The following OR8H2 variants were observed in gnomAD, a reference collection of about 807,000 sequenced individuals.
The protein encoded by OR8H2 is olfactory receptor 8H2.
For synonymous variants in OR8H2, 157 were observed against 139.2 expected (o/e 1.13, Z -0.90); for missense variants, 374 against 371.1 (o/e 1.01, Z -0.06).
rs1458082317 is a variant in OR8H2 at position 56,105,605 on chromosome 11, C to A, written c.563C>A (p.Ser188Tyr). 6.2e-6 allele frequency: 10 copies of A among 1,614,044 alleles called. No homozygotes were observed. The highest frequency in any genetic ancestry group is 2.7e-5 in the African/African-American group (2 of 74,928). The change falls in exon 2 of 2, where the codon TCC (serine) becomes TAC (tyrosine). Residue 188 changes from serine to tyrosine, a missense_variant. Transcript: ENST00000313503. ...FCDTSPILALSCTDTYNTEIL... is the reference protein window; with the variant it reads ...FCDTSPILALYCTDTYNTEIL... ...GACACTTCCCCAATTTTAGCTCTGT[C>A]CTGCACTGATACATACAACACCGAA...
chr11:56,106,188 T>G lies in OR8H2; in HGVS notation c.*207T>G. The G allele has an allele frequency of 2.4e-6, 1 of 421,500 alleles. No homozygotes were observed. Among genetic ancestry groups the G allele is most frequent in the Non-Finnish European group, 4.2e-6 (1 of 238,892 alleles). The allele number at this position is 421,500 out of a possible 1,614,324, so 26.1% of individuals were successfully genotyped here. A position where few individuals can be genotyped will look rare whatever the true frequency, so the allele number is the denominator to read the frequency against. ...AATGGTAATTAGAAATCATAATATG[T>G]GTGTCATGTTTTCAGTCTACATATA... On this transcript the variant is annotated 3_prime_UTR_variant, in exon 2 of 2. Coordinates refer to ENST00000313503, the MANE Select transcript of OR8H2 (RefSeq NM_001386064.1).
rs772134874 is a variant in OR8H2, at chr11:56,105,349, T to G, written c.307T>G (p.Phe103Val). 1 of 1,614,222 alleles carries G rather than the reference T, an allele frequency of 6.2e-7. No homozygotes were observed. Among genetic ancestry groups the G allele is most frequent in the South Asian group, 1.1e-5 (1 of 91,088 alleles). Residue 103 changes from phenylalanine (F) to valine (V), a missense_variant, in exon 2 of 2, where the codon TTT becomes GTT. Phe to Val is a conservative substitution (Grantham distance 50). Transcript: ENST00000313503. The part of the protein sequence containing the change: ...SFTGCFAQMF[F>V]FAFLGTAECY... ...TACGGGCTGCTTTGCCCAGATGTTC[T>G]TTTTTGCCTTCTTGGGTACTGCTGA...
Position 56,106,917 on chromosome 11 carries a change from C to A in OR8H2, c.*936C>A, listed in dbSNP as rs1280268911. On this transcript the variant is annotated 3_prime_UTR_variant, in exon 2 of 2. Coordinates refer to ENST00000313503, the MANE Select transcript of OR8H2 (RefSeq NM_001386064.1). ...CTTTTCTTTACTTCTCTAATAAACC[C>A]ATTTTCAGTTTTAGAAAAACAAATA... 6.6e-6 allele frequency: 1 copy of A among 151,832 alleles called. No individual in the cohort carries two copies. The highest frequency in any genetic ancestry group is 6.6e-5 in the Admixed American group (1 of 15,252). 9.4% of individuals were successfully genotyped at this position (151,832 alleles called of 1,614,324 possible).
rs1854066714 is a variant in OR8H2, at chr11:56,107,212, A to G, written c.*1231A>G. The G allele has an allele frequency of 6.6e-6, 1 of 151,904 alleles. No individual in the cohort carries two copies. The highest frequency in any genetic ancestry group is 2.1e-4 in the South Asian group (1 of 4,834). 9.4% of individuals were successfully genotyped at this position (151,904 alleles called of 1,614,324 possible). A position where few individuals can be genotyped will look rare whatever the true frequency, so the allele number is the denominator to read the frequency against. On this transcript the variant is annotated 3_prime_UTR_variant, in exon 2 of 2. Coordinates refer to ENST00000313503, the MANE Select transcript of OR8H2 (RefSeq NM_001386064.1). ...CAGTGATATCTCTTTTGCGTGCAAA[A>G]CTTCAAAAACTGGATTTCTGTAATG...
chr11:56,104,796 A>C (rs1854025578), intron 1 of OR8H2, 76 bp from the exon 2 acceptor site: 3 of 393,804 alleles, frequency 7.6e-6, no homozygotes, highest in East Asian at 8.2e-5. Flanking sequence ...ATAGAAGGCT[A>C]AGCTAATTTT....
chr11:56,103,709 C>T lies in OR8H2; in HGVS notation c.-450C>T, dbSNP rs1854010000. On this transcript the variant is annotated 5_prime_UTR_variant, in exon 1 of 2. Coordinates refer to ENST00000313503, the MANE Select transcript of OR8H2 (RefSeq NM_001386064.1). Reference sequence around the variant, plus strand: ...AGGGAAAGAATAATCTCCTTGTGGTCACAGTAGCTGCTGGTCTTCTTTGAC... The same window carrying T: ...AGGGAAAGAATAATCTCCTTGTGGTTACAGTAGCTGCTGGTCTTCTTTGAC... The T allele has an allele frequency of 6.6e-6, 1 of 152,172 alleles. No individual in the cohort carries two copies. The highest frequency in any genetic ancestry group is 6.5e-5 in the Admixed American group (1 of 15,274). 9.4% of individuals were successfully genotyped at this position (152,172 alleles called of 1,614,324 possible). A position where few individuals can be genotyped will look rare whatever the true frequency, so the allele number is the denominator to read the frequency against.
chr11:56,107,613 T>A lies in OR8H2; in HGVS notation c.*1632T>A, dbSNP rs1854071687. ...ACACTTTTGTAACAGTTATTAGTTT[T>A]CATTCAAGCAATACTTTTTTAATCT... On this transcript the variant is annotated 3_prime_UTR_variant, in exon 2 of 2. Transcript: ENST00000313503. 1 of 151,886 alleles carries A rather than the reference T, an allele frequency of 6.6e-6. No homozygotes were observed. Among genetic ancestry groups the A allele is most frequent in the South Asian group, 2.1e-4 (1 of 4,838 alleles). 9.4% of individuals were successfully genotyped at this position (151,886 alleles called of 1,614,324 possible). A position where few individuals can be genotyped will look rare whatever the true frequency, so the allele number is the denominator to read the frequency against.
chr11:56,104,834 A>T (rs1256105877), intron 1 of OR8H2, 38 bp from the exon 2 acceptor site: 20 of 458,734 alleles, frequency 4.4e-5, no homozygotes, highest in Non-Finnish European at 7.2e-5. Context: ...ATATAAACAG[A>T]AAGTTTTTTT....
Position 56,105,546 on chromosome 11 carries a change from C to G in OR8H2, c.504C>G (p.Phe168Leu), listed in dbSNP as rs890708716. 2 of 1,614,060 alleles carry G rather than the reference C, an allele frequency of 1.2e-6. No individual in the cohort carries two copies. The highest frequency in any genetic ancestry group is 1.7e-6 in the Non-Finnish European group (2 of 1,180,038). Residue 168 changes from phenylalanine to leucine, a missense_variant, in exon 2 of 2, where the codon TTC becomes TTG. By Grantham distance (22) the Phe-to-Leu change is conservative. Coordinates refer to ENST00000313503, the MANE Select transcript of OR8H2 (RefSeq NM_001386064.1). ...VNVVSMSRLH[F>L]YDSNVIHHFF... ...TGGTTTCCATGAGCAGATTGCATTTCTACGACTCAAACGTAATTCATCACT... is the reference window on the plus strand; with the variant it reads ...TGGTTTCCATGAGCAGATTGCATTTGTACGACTCAAACGTAATTCATCACT...
rs189819124 is a variant in OR8H2 at position 56,107,348 on chromosome 11, C to T, written c.*1367C>T. 415 of 152,040 alleles carry T rather than the reference C, an allele frequency of 2.7e-3. 2 individuals carry two copies. The highest frequency in any genetic ancestry group is 9.6e-3 in the African/African-American group (400 of 41,536). 9.4% of individuals were successfully genotyped at this position (152,040 alleles called of 1,614,324 possible). A position where few individuals can be genotyped will look rare whatever the true frequency, so the allele number is the denominator to read the frequency against. The stretch of plus-strand genomic sequence containing the variant: ...TTCAGTTGTAAAAATAACTCCTTGA[C>T]TTAAATGCTTTATTCATTGATTTTA... On this transcript the variant is annotated 3_prime_UTR_variant, in exon 2 of 2. Transcript: ENST00000313503.
In OR8H2 at chr11:56,104,882, A is replaced by T. The variant is rs766244766; in HGVS notation, c.-161A>T. 5.1e-6 allele frequency: 3 copies of T among 586,910 alleles called. No individual in the cohort carries two copies. Among genetic ancestry groups the T allele is most frequent in the Non-Finnish European group, 8.8e-6 (3 of 341,544 alleles). The allele number at this position is 586,910 out of a possible 1,614,324, so 36.4% of individuals were successfully genotyped here. A position where few individuals can be genotyped will look rare whatever the true frequency, so the allele number is the denominator to read the frequency against. ...TGTTTTTTGAGTCAGAGTCTGGCAC[A>T]GTCGCCAGGGCTGGAATGCAATGGT... On this transcript the variant is annotated 5_prime_UTR_variant, in exon 2 of 2. Transcript: ENST00000313503.
rs1279506280 is a variant in OR8H2 at position 56,105,685 on chromosome 11, T to G, written c.643T>G (p.Ser215Ala). ...CCTGATGGTGTCCCTTTTCACAATATCTGCATCCTATGTGTTCATTCTCTT... is the reference window on the plus strand; with the variant it reads ...CCTGATGGTGTCCCTTTTCACAATAGCTGCATCCTATGTGTTCATTCTCTT... ...STLMVSLFTI[S>A]ASYVFILFTI... Residue 215 changes from serine (S) to alanine (A), a missense_variant, in exon 2 of 2, where the codon TCT (serine) becomes GCT (alanine). Coordinates refer to ENST00000313503, the MANE Select transcript of OR8H2 (RefSeq NM_001386064.1). 9 of 1,614,040 alleles carry G rather than the reference T, an allele frequency of 5.6e-6. No homozygotes were observed. In the Admixed American group the frequency reaches 1.3e-4, roughly 24 times the overall value.
rs1390161782 is a variant in OR8H2 at position 56,106,341 on chromosome 11, T to G, written c.*360T>G. On this transcript the variant is annotated 3_prime_UTR_variant, in exon 2 of 2. Coordinates refer to ENST00000313503, the MANE Select transcript of OR8H2 (RefSeq NM_001386064.1). ...ATGGAAAGAACTATTTGGGACACAA[T>G]GATAATAGTTTTAGATGTTATTCCA... is the stretch of plus-strand genomic sequence containing the variant. 5 of 159,780 alleles carry G rather than the reference T, an allele frequency of 3.1e-5. No homozygotes were observed. Among genetic ancestry groups the G allele is most frequent in the Non-Finnish European group, 5.5e-5 (4 of 73,320 alleles). The allele number at this position is 159,780 out of a possible 1,614,324, so 9.9% of individuals were successfully genotyped here. A position where few individuals can be genotyped will look rare whatever the true frequency, so the allele number is the denominator to read the frequency against.
chr11:56,106,057 A>T lies in OR8H2; in HGVS notation c.*76A>T. On this transcript the variant is annotated 3_prime_UTR_variant, in exon 2 of 2. Transcript: ENST00000313503. Reference sequence around the variant, plus strand: ...TGTTGGGTATTTTCTTAGTCTCTCTATAAAAACAATTGAATCTTTTAATTT... The same window carrying T: ...TGTTGGGTATTTTCTTAGTCTCTCTTTAAAAACAATTGAATCTTTTAATTT... 1.1e-6 allele frequency: 1 copy of T among 926,230 alleles called. No individual in the cohort carries two copies. Among genetic ancestry groups the T allele is most frequent in the South Asian group, 1.8e-5 (1 of 56,694 alleles). The allele number at this position is 926,230 out of a possible 1,614,324, so 57.4% of individuals were successfully genotyped here.
chr11:56,105,956 T>A lies in OR8H2; in HGVS notation c.914T>A (p.Met305Lys). The A allele has an allele frequency of 6.3e-7, 1 of 1,586,316 alleles. No homozygotes were observed. Among genetic ancestry groups the A allele is most frequent in the Non-Finnish European group, 8.6e-7 (1 of 1,167,802 alleles). ...KEVKNAVIRV[M>K]QRRQDSR is the part of the protein sequence containing the mutation. Reference sequence around the variant, plus strand: ...GTGAAAAATGCTGTCATCAGAGTCATGCAGAGAAGACAGGACTCCAGGTAA... The same window carrying A: ...GTGAAAAATGCTGTCATCAGAGTCAAGCAGAGAAGACAGGACTCCAGGTAA... The change falls in exon 2 of 2, where the codon ATG (methionine) becomes AAG (lysine). Residue 305 changes from methionine (M) to lysine (K), a missense_variant. Physicochemically the swap from Met to Lys is moderately conservative, Grantham distance 95 (BLOSUM62 -1). Transcript: ENST00000313503.
rs146550911 is a variant in OR8H2, at chr11:56,107,467, A to T, written c.*1486A>T. 67 of 152,052 alleles carry T rather than the reference A, an allele frequency of 4.4e-4. No individual in the cohort carries two copies. The East Asian group carries it at 0.011, about 24-fold the overall frequency. 9.4% of individuals were successfully genotyped at this position (152,052 alleles called of 1,614,324 possible). On this transcript the variant is annotated 3_prime_UTR_variant, in exon 2 of 2. Transcript: ENST00000313503. ...AAATTTAGTCAGGCAGAGTGCTAAA[A>T]TGTCTTTTATTTTTAAATTTTTCTC...
chr11:56,105,998 G>A lies in OR8H2; in HGVS notation c.*17G>A, dbSNP rs773252138. On this transcript the variant is annotated 3_prime_UTR_variant, in exon 2 of 2. Transcript: ENST00000313503. ...TCCAGGTAATTAATATAGCAGGAAT[G>A]CTGAACATTTAAACTCATCTTTTCT... 2.8e-6 allele frequency: 4 copies of A among 1,409,050 alleles called. No individual in the cohort carries two copies. In the African/African-American group the frequency reaches 5.8e-5, roughly 20 times the overall value. The allele number at this position is 1,409,050 out of a possible 1,614,324, so 87.3% of individuals were successfully genotyped here. A position where few individuals can be genotyped will look rare whatever the true frequency, so the allele number is the denominator to read the frequency against.
Position 56,106,208 on chromosome 11 carries a change from C to T in OR8H2, c.*227C>T, listed in dbSNP as rs1273174426. On this transcript the variant is annotated 3_prime_UTR_variant, in exon 2 of 2. Coordinates refer to ENST00000313503, the MANE Select transcript of OR8H2 (RefSeq NM_001386064.1). ...ATATGTGTGTCATGTTTTCAGTCTA[C>T]ATATATGTGTTTGAAGCAACTGATG... The T allele has an allele frequency of 6.0e-6, 2 of 333,722 alleles. No homozygotes were observed. The highest frequency in any genetic ancestry group is 1.1e-5 in the Non-Finnish European group (2 of 185,632). 20.7% of individuals were successfully genotyped at this position (333,722 alleles called of 1,614,324 possible). A position where few individuals can be genotyped will look rare whatever the true frequency, so the allele number is the denominator to read the frequency against.
rs1199923946 is a variant in OR8H2, at chr11:56,106,301, G to T, written c.*320G>T. 5.9e-6 allele frequency: 1 copy of T among 169,520 alleles called. No homozygotes were observed. The highest frequency in any genetic ancestry group is 1.3e-5 in the Non-Finnish European group (1 of 79,834). The allele number at this position is 169,520 out of a possible 1,614,324, so 10.5% of individuals were successfully genotyped here. A position where few individuals can be genotyped will look rare whatever the true frequency, so the allele number is the denominator to read the frequency against. ...TCAAATTCTTATGTATACTTCAATT[G>T]TAGATAAATTTATTATGGAAAGAAC... On this transcript the variant is annotated 3_prime_UTR_variant, in exon 2 of 2. Transcript: ENST00000313503.
Sources: allele counts gnomAD v4.1 joint callset, GRCh38; gene constraint gnomAD v4.1.1; transcripts MANE v1.5; gene names NCBI Gene and HGNC (gene_info 2026-07-23, HGNC 2026-07-21).